The following GRIK2 variants were observed in gnomAD, a reference collection of about 807,000 sequenced individuals.
GRIK2 encodes the protein glutamate ionotropic receptor kainate type subunit 2.
A neutral mutation model predicts 100.3 loss-of-function variants in GRIK2; 32 were observed. The observed-to-expected ratio is 0.32, with a 90% CI of 0.24 to 0.43. The LOEUF (loss-of-function observed/expected upper bound fraction) is 0.43. Ranked by LOEUF, GRIK2 falls within the 20% of genes least tolerant of loss-of-function variation. The probability of loss-of-function intolerance (pLI) is 1.00; values close to 1 mark genes in which losing one functional copy is unlikely to be tolerated. For synonymous variants in GRIK2, 417 were observed against 389.4 expected (o/e 1.07, Z -0.83); for missense variants, 843 against 1,114.9 (o/e 0.76, Z 3.47).
intron 7 of GRIK2, among the ~76,000 whole-genome samples, chr6:101,698,067 C>T (rs549969194): frequency 1.3e-5 from 2 of 152,134 alleles, no homozygotes; most frequent in South Asian, 2.1e-4. Flanking sequence ...TATTTACTTA[C>T]TTTTAAATTT....
chr6:101,579,052 G>A (rs1398020857), intron 2 of GRIK2, among the ~76,000 whole-genome samples: 3 of 152,022 alleles, frequency 2.0e-5, no homozygotes, highest in African/African-American at 7.2e-5. Context: ...TAAAGTAAAT[G>A]TAGGTTATAT....
intron 2 of GRIK2, among the ~76,000 whole-genome samples, chr6:101,567,896 A>G (rs1777355359): frequency 6.6e-6 from 1 of 152,114 alleles, no homozygotes; most frequent in Admixed American, 6.6e-5. Flanking sequence ...TTTATAAAAC[A>G]AATAGGAGAA....
At chr6:102,062,651 T>A (rs1202536666) in intron 16 of GRIK2, among the ~76,000 whole-genome samples, 1 of 150,544 alleles carries the variant, frequency 6.6e-6, no homozygotes, top group Non-Finnish European at 1.5e-5. Flanking sequence ...TTTTTTAACA[T>A]GAGTGATTTA....
chr6:101,618,302 G>A (rs1779993417), intron 2 of GRIK2, among the ~76,000 whole-genome samples: 1 of 151,184 alleles, frequency 6.6e-6, no homozygotes, highest in South Asian at 2.1e-4. Context: ...GAAAACTATG[G>A]ATTCTGTGTT....
intron 2 of GRIK2, among the ~76,000 whole-genome samples, chr6:101,410,569 G>A (rs1775844579): frequency 6.6e-6 from 1 of 152,080 alleles, no homozygotes; most frequent in South Asian, 2.1e-4. Context: ...AGTGTCTAGG[G>A]AGAGACAAGA....
At chr6:101,786,906 T>A (rs2128404939) in intron 7 of GRIK2, among the ~76,000 whole-genome samples, 1 of 152,212 alleles carries the variant, frequency 6.6e-6, no homozygotes, top group African/African-American at 2.4e-5. Context: ...AATTATTTTT[T>A]AAAAGTTAGG....
intron 14 of GRIK2, among the ~76,000 whole-genome samples, chr6:101,980,327 C>G (rs1211821246): frequency 6.6e-6 from 1 of 151,896 alleles, no homozygotes; most frequent in Non-Finnish European, 1.5e-5. Flanking sequence ...TTTCTTGAGT[C>G]TGAGAGAAGA....
At chr6:101,804,409 G>C (rs181303924) in intron 9 of GRIK2, among the ~76,000 whole-genome samples, 2 of 152,074 alleles carry the variant, frequency 1.3e-5, no homozygotes, top group Admixed American at 1.3e-4. Flanking sequence ...GGGTTACTTG[G>C]GAAGATAATA....
intron 2 of GRIK2, among the ~76,000 whole-genome samples, chr6:101,586,892 CAAAAAAAAAAAA>C (rs1199378638): frequency 1.9e-5 from 1 of 53,970 alleles, no homozygotes; most frequent in Non-Finnish European, 3.7e-5. Context: ...TCTGTCTTAA[CAAAAAAAAAAAA>C]AAAAAAAAAG....
intron 13 of GRIK2, among the ~76,000 whole-genome samples, chr6:101,926,148 A>G (rs1789874888): frequency 6.7e-6 from 1 of 149,344 alleles, no homozygotes; most frequent in Non-Finnish European, 1.5e-5. Context: ...AAGAATCAGT[A>G]GTTATATTTT....
At chr6:101,794,598 A>G (rs542310024) in intron 7 of GRIK2, among the ~76,000 whole-genome samples, 1 of 150,780 alleles carries the variant, frequency 6.6e-6, no homozygotes, top group African/African-American at 2.4e-5. Context: ...TATGATGTCT[A>G]TCTCTTTATG....
chr6:101,873,413 A>G (rs1384697966), intron 11 of GRIK2, among the ~76,000 whole-genome samples: 2 of 151,806 alleles, frequency 1.3e-5, no homozygotes, highest in Non-Finnish European at 1.5e-5. Context: ...TGTCCCTACA[A>G]AGGACATGAA....
chr6:101,916,064 G>A (rs1423100940), intron 12 of GRIK2, among the ~76,000 whole-genome samples: 1 of 151,310 alleles, frequency 6.6e-6, no homozygotes, highest in African/African-American at 2.4e-5. Context: ...TCAAATTCAG[G>A]TGGCAATGTT....
At chr6:101,513,460 A>G (rs1286201099) in intron 2 of GRIK2, among the ~76,000 whole-genome samples, 1 of 152,164 alleles carries the variant, frequency 6.6e-6, no homozygotes, top group Non-Finnish European at 1.5e-5. Flanking sequence ...TGGAAGAAAA[A>G]GATCTAGCTA....
At chr6:101,614,609 T>G (rs1779815875) in intron 2 of GRIK2, among the ~76,000 whole-genome samples, 2 of 151,862 alleles carry the variant, frequency 1.3e-5, no homozygotes, top group Non-Finnish European at 3.0e-5. Flanking sequence ...TTAAAGAAGC[T>G]TGATGATTTT....
intron 11 of GRIK2, among the ~76,000 whole-genome samples, chr6:101,875,087 T>C (rs1382777168): frequency 2.0e-5 from 3 of 152,124 alleles, no homozygotes; most frequent in African/African-American, 7.2e-5. Flanking sequence ...ATACCTTTAT[T>C]TCTTTCTCCT....
At chr6:101,505,244 C>T (rs527286029) in intron 2 of GRIK2, among the ~76,000 whole-genome samples, 1 of 152,226 alleles carries the variant, frequency 6.6e-6, no homozygotes, top group South Asian at 2.1e-4. Context: ...TTCATGTCTT[C>T]TAGTACCTGG....
chr6:102,020,196 T>C (rs1769351734), intron 14 of GRIK2, among the ~76,000 whole-genome samples: 1 of 151,888 alleles, frequency 6.6e-6, no homozygotes, highest in Admixed American at 6.6e-5. Flanking sequence ...GTTTTTAGAA[T>C]ACCCTTGCTT....
At chr6:101,714,134 G>C (rs1459792854) in intron 7 of GRIK2, among the ~76,000 whole-genome samples, 1 of 151,650 alleles carries the variant, frequency 6.6e-6, no homozygotes, top group Non-Finnish European at 1.5e-5. Context: ...ACAGAATAGA[G>C]GTAGGCTACC....
Sources: allele counts gnomAD v4.1 joint callset (sites outside exome capture counted in the v4.1 genomes callset), GRCh38; gene constraint gnomAD v4.1.1; transcripts MANE v1.5; gene names NCBI Gene and HGNC (gene_info 2026-07-23, HGNC 2026-07-21).